The following ZNF254 variants were observed in gnomAD, a reference collection of about 807,000 sequenced individuals.
ZNF254 encodes the protein zinc finger protein 254, also known as CTD-2017D11.1.
ZNF254 carries 10 observed loss-of-function variants against 12.4 expected under a neutral mutation model. The observed-to-expected ratio is 0.80, with a 90% CI of 0.50 to 1.36. The LOEUF (loss-of-function observed/expected upper bound fraction) is 1.36. Ranked by LOEUF, ZNF254 falls within the 40% of genes most tolerant of loss-of-function variation. The pLI is 0.00. For synonymous variants in ZNF254, 305 were observed against 253.4 expected, an observed-to-expected ratio of 1.20 and a Z score of -1.93; for missense variants, 996 against 763.9, an observed-to-expected ratio of 1.30 and a Z score of -3.58.
intron 2 of ZNF254, among the ~76,000 whole-genome samples, chr19:24,051,494 G>A (rs1970644810): frequency 6.6e-6 from 1 of 152,152 alleles, no homozygotes; most frequent in African/African-American, 2.4e-5. Flanking sequence ...TCTTCTTGGG[G>A]TATTGTGATA....
chr19:24,066,658 C>G (rs1054823943), intron 2 of ZNF254: 2 of 151,936 alleles, frequency 1.3e-5, no homozygotes, highest in East Asian at 3.9e-4. Flanking sequence ...CCAGCCTGGT[C>G]AACATGGTGA....
intron 1 of ZNF254, among the ~76,000 whole-genome samples, chr19:24,102,657 T>C (rs1360017114): frequency 1.3e-5 from 2 of 152,174 alleles, no homozygotes; most frequent in East Asian, 3.8e-4. Flanking sequence ...CAATAGCAGA[T>C]AAATGGAAAA....
intron 1 of ZNF254, among the ~76,000 whole-genome samples, chr19:24,093,023 G>GT (rs1972483570): frequency 6.6e-6 from 1 of 151,908 alleles, no homozygotes; most frequent in South Asian, 2.1e-4. Flanking sequence ...GTATCTCGTG[G>GT]TTTTTCTTTG....
chr19:24,088,334 T>C (rs2145642856), intron 1 of ZNF254, among the ~76,000 whole-genome samples: 1 of 152,302 alleles, frequency 6.6e-6, no homozygotes, highest in Admixed American at 6.5e-5. Context: ...CAAAAAATGC[T>C]CTTGAGTTTA....
Position 24,127,803 on chromosome 19 carries a change from C to A in ZNF254, c.1803C>A (p.Pro601=). ...KHKVIHTGVK[P]YKCEECGKAF... is the part of the protein sequence containing the mutation. ...AGGTAATTCATACTGGAGTAAAACC[C>A]TACAAATGTGAAGAATGTGGCAAAG... Residue 601 remains proline, a synonymous_variant, in exon 4 of 4, where the codon CCC becomes CCA. Transcript: ENST00000357002. The A allele has an allele frequency of 6.2e-7, 1 of 1,612,650 alleles. No homozygotes were observed. The highest frequency in any genetic ancestry group is 8.5e-7 in the Non-Finnish European group (1 of 1,179,526).
intron 3 of ZNF254, among the ~76,000 whole-genome samples, chr19:24,124,388 G>C (rs2145990570): frequency 6.6e-6 from 1 of 152,088 alleles, no homozygotes; most frequent in East Asian, 1.9e-4. Context: ...TGCACCACTA[G>C]GGTAATGCTA....
intron 2 of ZNF254, among the ~76,000 whole-genome samples, chr19:24,056,184 G>A (rs186720051): frequency 1.3e-5 from 2 of 152,248 alleles, no homozygotes; most frequent in South Asian, 2.1e-4. Flanking sequence ...GGAAGGCGTT[G>A]GGACATGTCT....
intron 2 of ZNF254, among the ~76,000 whole-genome samples, chr19:24,077,736 A>G (rs1971708744): frequency 6.6e-6 from 1 of 152,088 alleles, no homozygotes; most frequent in Non-Finnish European, 1.5e-5. Context: ...GTGGCTTCTC[A>G]GTGGCTGATG....
In ZNF254 at chr19:24,057,226, C is replaced by T. The variant is rs577849472; in HGVS notation, c.-94+10947C>T. 2.7e-3 allele frequency among the ~76,000 whole-genome samples: 409 copies of T among 152,306 alleles called. 1 individual carries two copies. Among genetic ancestry groups the T allele is most frequent in the African/African-American group, 9.6e-3 (399 of 41,558 alleles). On this transcript the variant is annotated intron_variant, in intron 2 of 4. Transcript: ENST00000613065. ...TTTGCCAATTGTTAAGATTGTCACC[C>T]TCATCCATGGACAAAGCCTACTGGA...
intron 2 of ZNF254, chr19:24,046,371 T>TATATATATATATA: frequency 1.9e-5 from 1 of 51,400 alleles, no homozygotes; most frequent in Admixed American, 1.8e-4. Context: ...TTTTATTATT[T>TATATATATATATA]TTTATATATA....
At chr19:24,115,762 C>T (rs895590161) in intron 3 of ZNF254, among the ~76,000 whole-genome samples, 2 of 152,016 alleles carry the variant, frequency 1.3e-5, no homozygotes, top group Non-Finnish European at 1.5e-5. Flanking sequence ...TTATTTTGCT[C>T]GTTAGTTGAT....
chr19:24,101,762 C>T lies in ZNF254; in HGVS notation c.31-4178C>T, dbSNP rs1047258133. Reference sequence around the variant, plus strand: ...TCAGTCCAGGGTCACTGGAAATGCTCTCACAATCACCTAGGTGTCTTTGAG... The same window carrying T: ...TCAGTCCAGGGTCACTGGAAATGCTTTCACAATCACCTAGGTGTCTTTGAG... On this transcript the variant is annotated intron_variant, in intron 1 of 3. Coordinates refer to ENST00000357002, the MANE Select transcript of ZNF254 (RefSeq NM_203282.4). Among the ~76,000 whole-genome samples, 4 of 152,228 alleles carry T rather than the reference C, an allele frequency of 2.6e-5. No individual in the cohort carries two copies. The East Asian group carries it at 5.8e-4, about 22-fold the overall frequency.
intron 2 of ZNF254, among the ~76,000 whole-genome samples, chr19:24,069,263 C>T (rs1283783753): frequency 6.9e-6 from 1 of 144,570 alleles, no homozygotes; most frequent in African/African-American, 2.5e-5. Flanking sequence ...ACCTTGGCCT[C>T]CCAAAATGCT....
intron 3 of ZNF254, among the ~76,000 whole-genome samples, chr19:24,117,664 A>T (rs1331135569): frequency 6.6e-6 from 1 of 152,046 alleles, no homozygotes; most frequent in Non-Finnish European, 1.5e-5. Context: ...GGTAATGCCT[A>T]GCCCTGCTTC....
upstream of ZNF254, among the ~76,000 whole-genome samples, chr19:24,084,998 T>C (rs1053720502): frequency 2.7e-5 from 4 of 148,412 alleles, no homozygotes; most frequent in Non-Finnish European, 4.4e-5. Flanking sequence ...AGTGACCTGA[T>C]CTTGGCTCAC....
At chr19:24,121,254 C>A (rs906492224) in intron 3 of ZNF254, among the ~76,000 whole-genome samples, 4 of 151,544 alleles carry the variant, frequency 2.6e-5, no homozygotes, top group Non-Finnish European at 4.4e-5. Context: ...TTTTTTTCCC[C>A]ATATTCTTCT....
chr19:24,127,857 A>T lies in ZNF254; in HGVS notation c.1857A>T (p.Lys619Asn). 1 of 1,613,172 alleles carries T rather than the reference A, an allele frequency of 6.2e-7. No individual in the cohort carries two copies. The highest frequency in any genetic ancestry group is 8.5e-7 in the Non-Finnish European group (1 of 1,179,700). ...TTTTCTGGTCCTCAACCCTAACTAA[A>T]CATAAGAGAATTCATACTGGAGAGC... Reference protein sequence around the residue: ...KAFFWSSTLTKHKRIHTGEQP... With the variant: ...KAFFWSSTLTNHKRIHTGEQP... The change falls in exon 4 of 4, where the codon AAA becomes AAT. Residue 619 changes from lysine (K) to asparagine (N), a missense_variant. Physicochemically the swap from Lys to Asn is moderately conservative, Grantham distance 94. Coordinates refer to ENST00000357002, the MANE Select transcript of ZNF254 (RefSeq NM_203282.4).
At chr19:24,073,766 T>A (rs1253648967) in intron 2 of ZNF254, among the ~76,000 whole-genome samples, 1 of 152,246 alleles carries the variant, frequency 6.6e-6, no homozygotes, top group Non-Finnish European at 1.5e-5. Context: ...CTCTTATGCA[T>A]GTATTCAGTC....
At chr19:24,110,372 G>A (rs1319194456) in intron 3 of ZNF254, among the ~76,000 whole-genome samples, 1 of 151,786 alleles carries the variant, frequency 6.6e-6, no homozygotes, top group Non-Finnish European at 1.5e-5. Context: ...ACAAGCCTGG[G>A]CAAAATATGG....
Sources: allele counts gnomAD v4.1 joint callset (sites outside exome capture counted in the v4.1 genomes callset), GRCh38; gene constraint gnomAD v4.1.1; transcripts MANE v1.5; gene names NCBI Gene and HGNC (gene_info 2026-07-23, HGNC 2026-07-21).